IQSEC3: variants seen among roughly 807,000 people sequenced by gnomAD.
IQSEC3 encodes IQ motif and Sec7 domain ArfGEF 3.
Under a neutral mutation model 105.4 loss-of-function variants are expected in IQSEC3, and 50 were observed. The ratio of observed to expected loss-of-function variants is 0.47; its 90% CI spans 0.38 to 0.60. IQSEC3 has a LOEUF of 0.60. Ranked by LOEUF, IQSEC3 falls within the 20% of genes least tolerant of loss-of-function variation. The pLI is 0.00. For synonymous variants in IQSEC3, 708 were observed against 746.0 expected (o/e 0.95, Z 0.83); for missense variants, 1,415 against 1,630.0 (o/e 0.87, Z 2.27).
At chr12:140,315 C>T (rs1421858542) in intron 4 of IQSEC3, 1 of 152,120 alleles carries the variant, frequency 6.6e-6, no homozygotes, top group Non-Finnish European at 1.5e-5. Context: ...GAAAAGAAGC[C>T]GGCTCACACC....
chr12:170,944 C>T (rs528297254), intron 12 of IQSEC3, among the ~76,000 whole-genome samples, 168 bp from the exon 13 acceptor site: 7 of 152,316 alleles, frequency 4.6e-5, no homozygotes, highest in African/African-American at 1.7e-4. Flanking sequence ...AGCATCTCGC[C>T]CAGGTCACAT....
At chr12:150,328 A>G (rs1485880877) in intron 5 of IQSEC3, among the ~76,000 whole-genome samples, 1 of 152,246 alleles carries the variant, frequency 6.6e-6, no homozygotes, top group Non-Finnish European at 1.5e-5. Flanking sequence ...ATTCAGGGAC[A>G]TTTCATCTGA....
At chr12:76,085 A>G (rs1408122234) in intron 1 of IQSEC3, among the ~76,000 whole-genome samples, 22 of 127,716 alleles carry the variant, frequency 1.7e-4, no homozygotes, top group Non-Finnish European at 3.1e-4. Flanking sequence ...TGAGAGTTTC[A>G]TCACACACAC....
At chr12:172,103 C>T (rs568613699) in intron 13 of IQSEC3, among the ~76,000 whole-genome samples, 19 of 152,298 alleles carry the variant, frequency 1.2e-4, no homozygotes, top group African/African-American at 4.1e-4. Context: ...GCAACCCTAA[C>T]CTCGACCCGG....
chr12:136,644 C>A (rs1865775503), intron 3 of IQSEC3, among the ~76,000 whole-genome samples: 1 of 152,082 alleles, frequency 6.6e-6, no homozygotes, highest in South Asian at 2.1e-4. Flanking sequence ...CCTGTTCTTG[C>A]CTTGAGTCGT....
chr12:93,013 G>A (rs1864137662), intron 1 of IQSEC3, among the ~76,000 whole-genome samples: 1 of 152,200 alleles, frequency 6.6e-6, no homozygotes, highest in African/African-American at 2.4e-5. Flanking sequence ...ATGAATAAAA[G>A]GTACTTTTGT....
chr12:72,599 T>C (rs1863362376), intron 1 of IQSEC3, among the ~76,000 whole-genome samples: 1 of 125,472 alleles, frequency 8.0e-6, no homozygotes. Flanking sequence ...CTGGCAGGGT[T>C]TCCAAGGCTG....
chr12:148,697 A>C (rs1555091752), intron 5 of IQSEC3: 1 of 152,164 alleles, frequency 6.6e-6, no homozygotes, highest in African/African-American at 2.4e-5. Context: ...GGATATTTTT[A>C]ATTGAATTGT....
rs1184551901 is a variant in IQSEC3 at position 178,133 on chromosome 12, A to C, written c.*3100A>C. ...CCTGCCTGCCTGCCTGCCCGTCTGC[A>C]CAGGTGTCTTGATCCAGCCCTGCGT... On this transcript the variant is annotated 3_prime_UTR_variant, in exon 14 of 14. Transcript: ENST00000538872. 1 of 152,258 alleles carries C rather than the reference A, an allele frequency of 6.6e-6. No individual in the cohort carries two copies. The highest frequency in any genetic ancestry group is 1.5e-5 in the Non-Finnish European group (1 of 68,212). 9.4% of individuals were successfully genotyped at this position (152,258 alleles called of 1,614,324 possible).
chr12:171,943 C>T lies in IQSEC3; in HGVS notation c.3114+782C>T, dbSNP rs563791353. On this transcript the variant is annotated intron_variant, in intron 13 of 13. Transcript: ENST00000538872. ...CCCTGCCAAACCCCCCCAGTGCCAC[C>T]TATGGGAGGAGTGTGCAGGTGCCCC... 5.3e-5 allele frequency among the ~76,000 whole-genome samples: 8 copies of T among 152,202 alleles called. No homozygotes were observed. The East Asian group carries it at 1.5e-3, about 29-fold the overall frequency.
chr12:109,399 C>G (rs189032733), intron 2 of IQSEC3, among the ~76,000 whole-genome samples: 258 of 152,284 alleles, frequency 1.7e-3, no homozygotes, highest in African/African-American at 6.0e-3. Flanking sequence ...TGTAGCCCCC[C>G]GGCCTCTCTG....
Position 137,080 on chromosome 12 carries a change from G to A in IQSEC3, c.904-1187G>A, listed in dbSNP as rs147019709. On this transcript the variant is annotated intron_variant, in intron 3 of 13. Coordinates refer to ENST00000538872, the MANE Select transcript of IQSEC3 (RefSeq NM_001170738.2). ...CTGCCCTGGTTGGACAGCTCCCACC[G>A]TAAGAGCAGAGGTGACTCAAATTGG... is the stretch of plus-strand genomic sequence containing the variant. 4.1e-3 allele frequency among the ~76,000 whole-genome samples: 552 copies of A among 135,828 alleles called. 4 individuals carry two copies. Among genetic ancestry groups the A allele is most frequent in the African/African-American group, 0.014 (518 of 36,710 alleles). The allele number at this position is 135,828 out of a possible 152,430, so 89.1% of individuals were successfully genotyped here. A position where few individuals can be genotyped will look rare whatever the true frequency, so the allele number is the denominator to read the frequency against.
At chr12:151,847 C>A (rs960021780) in intron 5 of IQSEC3, among the ~76,000 whole-genome samples, 2 of 152,106 alleles carry the variant, frequency 1.3e-5, no homozygotes, top group Admixed American at 1.3e-4. Context: ...TGACAGCTCT[C>A]CCCTCTCTCC....
chr12:80,445 A>T (rs1048888175), intron 1 of IQSEC3, among the ~76,000 whole-genome samples: 3 of 151,870 alleles, frequency 2.0e-5, no homozygotes. Flanking sequence ...TTATAGCCTC[A>T]CTCCTTACTT....
intron 3 of IQSEC3, among the ~76,000 whole-genome samples, chr12:128,130 C>G (rs1865475845): frequency 6.6e-6 from 1 of 152,166 alleles, no homozygotes; most frequent in Non-Finnish European, 1.5e-5. Context: ...GCTTTAGGTA[C>G]CTCTTCCTCC....
Position 125,370 on chromosome 12 carries a change from C to G in IQSEC3, c.624-263C>G, listed in dbSNP as rs1865352699. On this transcript the variant is annotated intron_variant, in intron 2 of 13. Transcript: ENST00000538872. ...GATGCACCGCTCTGCCATACTGCTT[C>G]TAAGCAGAGGCTCCTGAGCCCTGGC... 1.3e-5 allele frequency among the ~76,000 whole-genome samples: 2 copies of G among 152,268 alleles called. 1 individual carries two copies. The highest frequency in any genetic ancestry group is 4.1e-4 in the South Asian group (2 of 4,828).
At chr12:112,493 T>C (rs1186007078) in intron 2 of IQSEC3, among the ~76,000 whole-genome samples, 1 of 152,122 alleles carries the variant, frequency 6.6e-6, no homozygotes, top group Non-Finnish European at 1.5e-5. Context: ...TCGTGTGACC[T>C]AGAAGCTTGG....
chr12:74,650 C>T (rs1863449883), intron 1 of IQSEC3, among the ~76,000 whole-genome samples: 1 of 152,276 alleles, frequency 6.6e-6, no homozygotes, highest in Non-Finnish European at 1.5e-5. Context: ...AGAAGGGCCC[C>T]GTGCTCTGTG....
intron 1 of IQSEC3, among the ~76,000 whole-genome samples, chr12:78,757 C>T (rs1863645784): frequency 6.6e-6 from 1 of 152,114 alleles, no homozygotes; most frequent in Admixed American, 6.5e-5. Context: ...GTACCACCCT[C>T]CTGGGATTGC....
Sources: allele counts gnomAD v4.1 joint callset (sites outside exome capture counted in the v4.1 genomes callset), GRCh38; gene constraint gnomAD v4.1.1; transcripts MANE v1.5; gene names NCBI Gene and HGNC (gene_info 2026-07-23, HGNC 2026-07-21).